LCLAT1: variants seen among roughly 807,000 people sequenced by gnomAD.
LCLAT1 encodes the protein 1-AGP acyltransferase 8.
Under a neutral mutation model 30.7 loss-of-function variants are expected in LCLAT1, and 11 were observed. The ratio of observed to expected loss-of-function variants is 0.36; its 90% CI spans 0.23 to 0.59. The LOEUF (loss-of-function observed/expected upper bound fraction) is 0.59, where lower values mean the gene tolerates loss of function less well. Among genes scored for constraint, LCLAT1 ranks in the 20% least tolerant of loss-of-function variants. The pLI is 0.77. For missense variants in LCLAT1, 402 were observed against 458.6 expected (o/e 0.88, Z 1.13); for synonymous variants, 155 against 151.3 (o/e 1.02, Z -0.18).
chr2:30,527,881 A>G (rs1685795061), intron 2 of LCLAT1, among the ~76,000 whole-genome samples: 1 of 151,990 alleles, frequency 6.6e-6, no homozygotes, highest in South Asian at 2.1e-4. Flanking sequence ...TGTTTTGGAG[A>G]AAATTCAAAA....
At chr2:30,447,939 C>T (rs1309130011) in intron 1 of LCLAT1, among the ~76,000 whole-genome samples, 1 of 152,176 alleles carries the variant, frequency 6.6e-6, no homozygotes, top group African/African-American at 2.4e-5. Flanking sequence ...GGCAGTGCCG[C>T]GAAAAGAAAG....
At chr2:30,561,932 A>C (rs1433864341) in intron 3 of LCLAT1, among the ~76,000 whole-genome samples, 1 of 152,198 alleles carries the variant, frequency 6.6e-6, no homozygotes, top group South Asian at 2.1e-4. Flanking sequence ...AGAATTTTGC[A>C]AACCTCAGGA....
chr2:30,639,086 T>C (rs1669176506), intron 5 of LCLAT1, among the ~76,000 whole-genome samples: 1 of 152,188 alleles, frequency 6.6e-6, no homozygotes, highest in South Asian at 2.1e-4. Flanking sequence ...TGTAAAATGC[T>C]TCTCTGCCAC....
At chr2:30,448,693 G>A (rs1626077) in intron 1 of LCLAT1, among the ~76,000 whole-genome samples, 293 of 152,332 alleles carry the variant, frequency 1.9e-3, no homozygotes, top group African/African-American at 7.0e-3. Flanking sequence ...TGACAACCAG[G>A]AGGAAGCAAT....
chr2:30,591,604 A>G (rs1289442277), intron 5 of LCLAT1, among the ~76,000 whole-genome samples: 1 of 152,178 alleles, frequency 6.6e-6, no homozygotes, highest in Non-Finnish European at 1.5e-5. Flanking sequence ...TATATTACTG[A>G]TAGAATAATC....
At chr2:30,619,326 C>CT (rs1359663336) in intron 5 of LCLAT1, among the ~76,000 whole-genome samples, 1 of 152,192 alleles carries the variant, frequency 6.6e-6, no homozygotes, top group East Asian at 1.9e-4. Context: ...CCACATGGCT[C>CT]TAACACCAAA....
chr2:30,626,435 A>G (rs1668512073), intron 5 of LCLAT1, among the ~76,000 whole-genome samples: 1 of 152,222 alleles, frequency 6.6e-6, no homozygotes, highest in Non-Finnish European at 1.5e-5. Context: ...TATGTTGTAT[A>G]CAAGTCTTTG....
chr2:30,514,482 A>G (rs1048018775), intron 1 of LCLAT1, among the ~76,000 whole-genome samples: 2 of 152,190 alleles, frequency 1.3e-5, no homozygotes, highest in African/African-American at 4.8e-5. Flanking sequence ...GATTACTTCC[A>G]TGTTATGACC....
chr2:30,622,844 T>A (rs952038469), intron 5 of LCLAT1, among the ~76,000 whole-genome samples: 3 of 151,986 alleles, frequency 2.0e-5, no homozygotes, highest in Non-Finnish European at 4.4e-5. Flanking sequence ...GCATAGTCTA[T>A]CCAAATGAGA....
At chr2:30,603,574 A>ATCTCCTT (rs1469823628) in intron 5 of LCLAT1, among the ~76,000 whole-genome samples, 2 of 152,158 alleles carry the variant, frequency 1.3e-5, no homozygotes, top group Admixed American at 1.3e-4. Context: ...AACATTCAAG[A>ATCTCCTT]TCTCCTTTGC....
intron 3 of LCLAT1, among the ~76,000 whole-genome samples, chr2:30,546,913 A>G (rs766968297): frequency 3.4e-4 from 52 of 152,034 alleles, no homozygotes; most frequent in Non-Finnish European, 1.3e-4. Flanking sequence ...GAATAAGATG[A>G]ATGGATTCAT....
rs150765928 is a variant in LCLAT1, at chr2:30,559,185, G to C, written c.365-2961G>C. Reference sequence around the variant, plus strand: ...GAGTATTGGTTTTCTTTTGGGAGGGGAAGTATTGACTGGAAATAGGACACA... The same window carrying C: ...GAGTATTGGTTTTCTTTTGGGAGGGCAAGTATTGACTGGAAATAGGACACA... On this transcript the variant is annotated intron_variant, in intron 3 of 5. Coordinates refer to ENST00000379509, the MANE Select transcript of LCLAT1 (RefSeq NM_001002257.3). Among the ~76,000 whole-genome samples, 26 of 152,294 alleles carry C rather than the reference G, an allele frequency of 1.7e-4. No homozygotes were observed. The East Asian group carries it at 4.8e-3, about 28-fold the overall frequency.
intron 2 of LCLAT1, among the ~76,000 whole-genome samples, chr2:30,530,204 G>GT (rs1685918998): frequency 6.6e-6 from 1 of 152,144 alleles, no homozygotes; most frequent in Non-Finnish European, 1.5e-5. Context: ...ATTTATTACT[G>GT]TTGACACTAT....
At chr2:30,542,234 C>A (rs1664176716) in intron 3 of LCLAT1, among the ~76,000 whole-genome samples, 1 of 152,032 alleles carries the variant, frequency 6.6e-6, no homozygotes, top group South Asian at 2.1e-4. Context: ...TCTTTTTAAA[C>A]CATTTCTTCT....
intron 5 of LCLAT1, among the ~76,000 whole-genome samples, chr2:30,639,205 T>C (rs1301704886): frequency 1.3e-5 from 2 of 152,216 alleles, no homozygotes; most frequent in East Asian, 1.9e-4. Flanking sequence ...CCAGAACATT[T>C]GCTCTGCCAC....
chr2:30,507,018 A>G (rs554832832), intron 1 of LCLAT1, among the ~76,000 whole-genome samples: 1 of 152,254 alleles, frequency 6.6e-6, no homozygotes, highest in Admixed American at 6.5e-5. Flanking sequence ...TGATTATTTT[A>G]GCTGTCTTTT....
chr2:30,635,563 T>G (rs1301330133), intron 5 of LCLAT1, among the ~76,000 whole-genome samples: 1 of 152,192 alleles, frequency 6.6e-6, no homozygotes, highest in African/African-American at 2.4e-5. Context: ...AGTTCTAGAT[T>G]TTAAACAAGC....
chr2:30,464,874 T>C (rs1682342500), intron 1 of LCLAT1, among the ~76,000 whole-genome samples: 1 of 152,138 alleles, frequency 6.6e-6, no homozygotes, highest in South Asian at 2.1e-4. Context: ...TTTTTAAATT[T>C]TTATTTACTT....
intron 1 of LCLAT1, among the ~76,000 whole-genome samples, chr2:30,510,629 G>A (rs989144514): frequency 1.3e-5 from 2 of 152,096 alleles, no homozygotes; most frequent in Non-Finnish European, 2.9e-5. Flanking sequence ...CTCCGGTTCC[G>A]GGGAATTTTT....
Sources: gnomAD v4.1 joint callset for allele counts (sites outside exome capture counted in the v4.1 genomes callset) on GRCh38, gnomAD v4.1.1 for gene constraint, MANE v1.5 for transcripts, NCBI Gene and HGNC (gene_info 2026-07-23, HGNC 2026-07-21) for gene names.